Variants in BBS5 observed in about 807,000 individuals in gnomAD.
The protein encoded by BBS5 is BBSome complex member BBS5.
A neutral mutation model predicts 50.2 loss-of-function variants in BBS5; 39 were observed. The observed-to-expected ratio is 0.78, with a 90% CI of 0.60 to 1.01. BBS5 has a LOEUF of 1.01. Among genes scored for constraint, BBS5 ranks in the 50% least tolerant of loss-of-function variants. The pLI is 0.00. For missense variants in BBS5, 356 were observed against 401.5 expected (o/e 0.89, Z 0.97); for synonymous variants, 134 against 133.1 (o/e 1.01, Z -0.05).
chr2:169,492,846 G>T, intron 5 of BBS5, 28 bp from the exon 6 acceptor site: 1 of 1,596,412 alleles, frequency 6.3e-7, no homozygotes. Context: ...TTCAGTTTGA[G>T]TTGTCTTTTG....
chr2:169,501,495 G>A (rs1421707403), intron 9 of BBS5, among the ~76,000 whole-genome samples: 1 of 152,138 alleles, frequency 6.6e-6, no homozygotes, highest in Non-Finnish European at 1.5e-5. Context: ...GAGCAGCCGA[G>A]GTGGGAGAAT....
At chr2:169,488,743 C>T (rs1683533029) in intron 5 of BBS5, among the ~76,000 whole-genome samples, 1 of 152,116 alleles carries the variant, frequency 6.6e-6, no homozygotes, top group Non-Finnish European at 1.5e-5. Flanking sequence ...TTAATAAACA[C>T]TTTGAAGGTA....
intron 5 of BBS5, among the ~76,000 whole-genome samples, chr2:169,491,107 A>T (rs756739608): frequency 1.5e-4 from 23 of 152,222 alleles, no homozygotes; most frequent in Admixed American, 6.5e-5. Flanking sequence ...AGCCATTATG[A>T]ATAATGTTAC....
At chr2:169,494,826 T>C (rs1157341815) in intron 7 of BBS5, among the ~76,000 whole-genome samples, 3 of 152,206 alleles carry the variant, frequency 2.0e-5, no homozygotes, top group Non-Finnish European at 2.9e-5. Flanking sequence ...TATTGTAGGA[T>C]ATATAGTCTT....
chr2:169,486,401 GT>G (rs1281125962), intron 2 of BBS5, among the ~76,000 whole-genome samples: 1 of 152,030 alleles, frequency 6.6e-6, no homozygotes, highest in Non-Finnish European at 1.5e-5. Flanking sequence ...CAAATTTATT[GT>G]TTTTTTCTTG....
chr2:169,490,550 CAT>C (rs1370150652), intron 5 of BBS5, among the ~76,000 whole-genome samples: 1 of 152,010 alleles, frequency 6.6e-6, no homozygotes, highest in Non-Finnish European at 1.5e-5. Context: ...CCTTAGCTGT[CAT>C]ATATATTGCA....
chr2:169,487,823 A>G lies in BBS5; in HGVS notation c.226A>G (p.Ile76Val), dbSNP rs763696357. 49 of 1,608,156 alleles carry G rather than the reference A, an allele frequency of 3.0e-5. 2 individuals carry two copies. Among genetic ancestry groups the G allele is most frequent in the Non-Finnish European group, 3.7e-5 (43 of 1,175,380 alleles). The change falls in exon 4 of 12, where the codon ATA (isoleucine) becomes GTA (valine). Residue 76 changes from isoleucine to valine, a missense_variant. Physicochemically the swap from Ile to Val is conservative, Grantham distance 29. Transcript: ENST00000295240. ...GATTTTAGCTGTCGGTTACAATTGC[A>G]TATTGAATATTACAACAAGGACTGC... ...RVNVSVGYNCILNITTRTANS... is the reference protein window; with the variant it reads ...RVNVSVGYNCVLNITTRTANS...
At chr2:169,502,589 G>A (rs574615399) in intron 9 of BBS5, among the ~76,000 whole-genome samples, 2 of 151,836 alleles carry the variant, frequency 1.3e-5, no homozygotes, top group Admixed American at 6.6e-5. Context: ...TATAACCCTT[G>A]GTACTACTGG....
At chr2:169,487,317 C>T (rs961656513) in intron 3 of BBS5, among the ~76,000 whole-genome samples, 183 bp downstream of exon 3, 1 of 152,062 alleles carries the variant, frequency 6.6e-6, no homozygotes, top group Non-Finnish European at 1.5e-5. Flanking sequence ...CATTTTGTGT[C>T]TTGGACATAT....
chr2:169,503,125 C>T lies in BBS5; in HGVS notation c.847C>T (p.Gln283Ter). 1.9e-6 allele frequency: 3 copies of T among 1,613,994 alleles called. No homozygotes were observed. The highest frequency in any genetic ancestry group is 2.5e-6 in the Non-Finnish European group (3 of 1,179,932). ...GCCGCTCGAAGCTCTGACAGTCGAA[C>T]AAATTCAAGATGATGTAGAAATAGA... ...PQPLEALTVE[Q>*]IQDDVEIDSD... The change falls in exon 10 of 12, where the codon CAA (glutamine) becomes TAA (stop). Residue 283 changes from glutamine to a stop codon, truncating the protein, a stop_gained. Coordinates refer to ENST00000295240, the MANE Select transcript of BBS5 (RefSeq NM_152384.3). LOFTEE classifies it high-confidence loss of function.
chr2:169,482,632 A>G (rs2105291884), intron 2 of BBS5: 1 of 366,664 alleles, frequency 2.7e-6, no homozygotes. Flanking sequence ...TGTCTTCCCA[A>G]AAAAGGATAT....
chr2:169,499,691 C>A, intron 9 of BBS5, 71 bp downstream of exon 9: 1 of 1,420,666 alleles, frequency 7.0e-7, no homozygotes, highest in South Asian at 1.2e-5. Flanking sequence ...ATGTAGATAC[C>A]ACTGTGCACC....
Position 169,504,624 on chromosome 2 carries a change from A to G in BBS5, c.*42A>G. On this transcript the variant is annotated 3_prime_UTR_variant, in exon 12 of 12. Transcript: ENST00000295240. ...ATGGATTTCTATTAAAGATATCTCT[A>G]GTTTAAAGATACTAGTCACCTGCCA... is the stretch of plus-strand genomic sequence containing the variant. 2 of 1,430,010 alleles carry G rather than the reference A, an allele frequency of 1.4e-6. No homozygotes were observed. The highest frequency in any genetic ancestry group is 2.3e-5 in the East Asian group (1 of 43,984). 88.6% of individuals were successfully genotyped at this position (1,430,010 alleles called of 1,614,324 possible).
intron 6 of BBS5, 43 bp from the exon 7 acceptor site, chr2:169,493,696 ACC>A: frequency 7.6e-7 from 1 of 1,313,790 alleles, no homozygotes. Context: ...AAGAATAGGT[ACC>A]AAAAAAATGA....
At chr2:169,490,360 ATTT>A (rs1008527008) in intron 5 of BBS5, among the ~76,000 whole-genome samples, 3 of 151,258 alleles carry the variant, frequency 2.0e-5, no homozygotes, top group African/African-American at 7.3e-5. Flanking sequence ...CGCCCGGCTA[ATTT>A]TTTGTATTTT....
At chr2:169,498,431 G>A (rs565098688) in intron 8 of BBS5, among the ~76,000 whole-genome samples, 2 of 152,214 alleles carry the variant, frequency 1.3e-5, no homozygotes, top group African/African-American at 2.4e-5. Context: ...TATTTACTCT[G>A]TTCCAAGAAC....
chr2:169,505,310 T>G lies in BBS5; in HGVS notation c.*728T>G, dbSNP rs1683890780. 2.7e-6 allele frequency: 1 copy of G among 374,828 alleles called. No individual in the cohort carries two copies. The highest frequency in any genetic ancestry group is 2.1e-5 in the African/African-American group (1 of 47,154). The allele number at this position is 374,828 out of a possible 1,614,324, so 23.2% of individuals were successfully genotyped here. On this transcript the variant is annotated 3_prime_UTR_variant, in exon 12 of 12. Coordinates refer to ENST00000295240, the MANE Select transcript of BBS5 (RefSeq NM_152384.3). ...GGCGTGATCTCCGCTCGCTACAACC[T>G]CCACCTCCCAGCTGCCTGCCTTGGC...
rs995154870 is a variant in BBS5 at position 169,504,183 on chromosome 2, T to A, written c.901-120T>A. ...GATAGGTGAAAAAAACATTACACAG[T>A]AACAGAATGTGAAATACATTTAGTT... On this transcript the variant is annotated intron_variant, in intron 10 of 11. Transcript: ENST00000295240. 18 of 915,256 alleles carry A rather than the reference T, an allele frequency of 2.0e-5. No homozygotes were observed. In the African/African-American group the frequency reaches 2.6e-4, roughly 13 times the overall value. The allele number at this position is 915,256 out of a possible 1,614,324, so 56.7% of individuals were successfully genotyped here.
rs1683512795 is a variant in BBS5, at chr2:169,487,869, A to C, written c.258+14A>C. The C allele has an allele frequency of 6.3e-7, 1 of 1,592,016 alleles. No homozygotes were observed. Among genetic ancestry groups the C allele is most frequent in the Non-Finnish European group, 8.6e-7 (1 of 1,160,854 alleles). ...ACTGCTAACTCTGTAAGTCTAAAAA[A>C]TCTTATTGCAATATATATATAGTAA... On this transcript the variant is annotated intron_variant, in intron 4 of 11. Coordinates refer to ENST00000295240, the MANE Select transcript of BBS5 (RefSeq NM_152384.3).
Sources: gnomAD v4.1 joint callset for allele counts (sites outside exome capture counted in the v4.1 genomes callset) on GRCh38, gnomAD v4.1.1 for gene constraint, MANE v1.5 for transcripts, NCBI Gene and HGNC (gene_info 2026-07-23, HGNC 2026-07-21) for gene names.